ANKS1B: variants seen among roughly 807,000 people sequenced by gnomAD.
The protein encoded by ANKS1B is ankyrin repeat and sterile alpha motif domain containing 1B.
Under a neutral mutation model 148.3 loss-of-function variants are expected in ANKS1B, and 36 were observed. The ratio of observed to expected loss-of-function variants is 0.24; its 90% CI spans 0.19 to 0.32. The LOEUF (loss-of-function observed/expected upper bound fraction) is 0.32. Ranked by LOEUF, ANKS1B falls within the 10% of genes least tolerant of loss-of-function variation. The probability of loss-of-function intolerance (pLI) is 1.00; values close to 1 mark genes in which losing one functional copy is unlikely to be tolerated. For synonymous variants in ANKS1B, 542 were observed against 560.8 expected (o/e 0.97, Z 0.47); for missense variants, 1,157 against 1,542.6 (o/e 0.75, Z 4.19).
rs140978112 is a variant in ANKS1B, at chr12:99,286,807, G to A, written c.1757-39943C>T. 4.6e-3 allele frequency among the ~76,000 whole-genome samples: 698 copies of A among 152,304 alleles called. 4 individuals are homozygous for A. The highest frequency in any genetic ancestry group is 7.2e-3 in the Non-Finnish European group (491 of 68,030). ...AGCCTAGAACAGTGGTGGCCACAGC[G>A]AGAGACTTCTTCTGCATAGAGGAAA... On this transcript the variant is annotated intron_variant, in intron 12 of 26. Coordinates refer to ENST00000683438, the MANE Select transcript of ANKS1B (RefSeq NM_001352186.2).
chr12:99,548,244 G>T (rs2153154816), intron 9 of ANKS1B, among the ~76,000 whole-genome samples: 1 of 152,206 alleles, frequency 6.6e-6, no homozygotes, highest in East Asian at 1.9e-4. Flanking sequence ...TTTTGCTATA[G>T]GTTGCTAACT....
chr12:99,266,114 C>G (rs970113356), intron 12 of ANKS1B, among the ~76,000 whole-genome samples: 2 of 152,164 alleles, frequency 1.3e-5, no homozygotes. Flanking sequence ...CCATCTTTCT[C>G]TTAATGCCTT....
chr12:98,738,374 C>A (rs1011486010), intron 9 of ANKS1B, among the ~76,000 whole-genome samples: 3 of 152,166 alleles, frequency 2.0e-5, no homozygotes, highest in African/African-American at 7.2e-5. Context: ...GAATATGTAA[C>A]TAGAGAGGGT....
intron 9 of ANKS1B, among the ~76,000 whole-genome samples, chr12:99,533,305 G>A (rs2097022648): frequency 6.6e-6 from 1 of 152,154 alleles, no homozygotes. Flanking sequence ...TATTGTAAAT[G>A]GGATTGAGTT....
At chr12:99,486,410 T>C (rs1000219901) in intron 10 of ANKS1B, among the ~76,000 whole-genome samples, 1 of 152,122 alleles carries the variant, frequency 6.6e-6, no homozygotes, top group African/African-American at 2.4e-5. Context: ...GGGGTTGGAA[T>C]GGCAGAGGTC....
At chr12:98,854,685 CG>C in intron 17 of ANKS1B, among the ~76,000 whole-genome samples, 1 of 152,284 alleles carries the variant, frequency 6.6e-6, no homozygotes, top group Non-Finnish European at 1.5e-5. Context: ...GTGCCAGGAA[CG>C]TATTTCTAAA....
chr12:99,595,420 A>T (rs1409687306), intron 9 of ANKS1B, among the ~76,000 whole-genome samples: 1 of 151,942 alleles, frequency 6.6e-6, no homozygotes. Context: ...AATTGCCTGT[A>T]TATTTTATAT....
At chr12:99,233,840 T>A (rs2087336095) in intron 14 of ANKS1B, among the ~76,000 whole-genome samples, 1 of 152,038 alleles carries the variant, frequency 6.6e-6, no homozygotes, top group African/African-American at 2.4e-5. Flanking sequence ...AAACTTTGAG[T>A]GGGTTCATAT....
chr12:99,878,532 T>A (rs1334032046), intron 1 of ANKS1B, among the ~76,000 whole-genome samples: 1 of 152,244 alleles, frequency 6.6e-6, no homozygotes, highest in Non-Finnish European at 1.5e-5. Flanking sequence ...CCTTTTAAAA[T>A]TTAGTTGATA....
At chr12:99,084,369 A>G (rs1599658752) in intron 16 of ANKS1B, among the ~76,000 whole-genome samples, 1 of 152,256 alleles carries the variant, frequency 6.6e-6, no homozygotes, top group East Asian at 1.9e-4. Flanking sequence ...CTGAAGAGAA[A>G]ATCTGAAGCT....
intron 15 of ANKS1B, among the ~76,000 whole-genome samples, chr12:99,093,087 A>G (rs1397145798): frequency 3.3e-5 from 5 of 152,210 alleles, no homozygotes; most frequent in Non-Finnish European, 5.9e-5. Context: ...ATTCCGGTCC[A>G]TAGATATGTA....
intron 15 of ANKS1B, among the ~76,000 whole-genome samples, chr12:99,134,406 G>T (rs2067168102): frequency 6.6e-6 from 1 of 151,968 alleles, no homozygotes; most frequent in African/African-American, 2.4e-5. Context: ...GTTTGCAGAG[G>T]GTCCTGAATC....
At chr12:99,957,558 G>A (rs887926769) in intron 1 of ANKS1B, among the ~76,000 whole-genome samples, 2 of 152,134 alleles carry the variant, frequency 1.3e-5, no homozygotes, top group Non-Finnish European at 2.9e-5. Context: ...CCAGCATTAA[G>A]AGCATTGGCT....
intron 17 of ANKS1B, among the ~76,000 whole-genome samples, chr12:98,926,894 A>T (rs1047881412): frequency 6.6e-6 from 1 of 152,142 alleles, no homozygotes; most frequent in Non-Finnish European, 1.5e-5. Context: ...AAATGTAACA[A>T]CACATGCATA....
At chr12:99,759,719 A>G (rs1329330089) in intron 8 of ANKS1B, among the ~76,000 whole-genome samples, 2 of 151,968 alleles carry the variant, frequency 1.3e-5, no homozygotes, top group Non-Finnish European at 1.5e-5. Flanking sequence ...AGAATTACAA[A>G]TTAGGTACAC....
intron 1 of ANKS1B, among the ~76,000 whole-genome samples, chr12:99,881,301 C>T (rs892067269): frequency 6.6e-6 from 1 of 152,116 alleles, no homozygotes; most frequent in Non-Finnish European, 1.5e-5. Flanking sequence ...TCTTTCATGC[C>T]TCAGTCTCCA....
At chr12:99,498,637 A>G (rs2152989652) in intron 10 of ANKS1B, among the ~76,000 whole-genome samples, 1 of 152,170 alleles carries the variant, frequency 6.6e-6, no homozygotes, top group East Asian at 1.9e-4. Context: ...CAACACTTAT[A>G]CCTTTTGCTC....
intron 8 of ANKS1B, among the ~76,000 whole-genome samples, chr12:99,724,262 AG>A (rs1026736670): frequency 6.6e-6 from 1 of 152,238 alleles, no homozygotes; most frequent in Non-Finnish European, 1.5e-5. Context: ...CCTTGAAAAA[AG>A]GTTACAGGAG....
chr12:99,809,260 C>G (rs948743007), intron 3 of ANKS1B, among the ~76,000 whole-genome samples: 39 of 151,390 alleles, frequency 2.6e-4, no homozygotes, highest in African/African-American at 8.0e-4. Context: ...AGCCATTTAC[C>G]AAAAACTCTT....
Sources: gnomAD v4.1 joint callset for allele counts (sites outside exome capture counted in the v4.1 genomes callset) on GRCh38, gnomAD v4.1.1 for gene constraint, MANE v1.5 for transcripts, NCBI Gene and HGNC (gene_info 2026-07-23, HGNC 2026-07-21) for gene names.